ANKRD17: variants seen among roughly 807,000 people sequenced by gnomAD.
ANKRD17 encodes the protein ankyrin repeat domain 17.
Under a neutral mutation model 229.7 loss-of-function variants are expected in ANKRD17, and 19 were observed. The ratio of observed to expected loss-of-function variants is 0.08; its 90% CI spans 0.06 to 0.12. The LOEUF is 0.12. Ranked by LOEUF, ANKRD17 falls within the 10% of genes least tolerant of loss-of-function variation. ANKRD17 has a pLI of 1.00. For synonymous variants in ANKRD17, 1,112 were observed against 1,146.1 expected, an observed-to-expected ratio of 0.97 and a Z score of 0.60; for missense variants, 2,176 against 3,176.8, an observed-to-expected ratio of 0.68 and a Z score of 7.57.
At position 73,225,333 on chromosome 4, in the gene ANKRD17, A is replaced by G. The variant is rs547335341; in HGVS notation, c.393+32943T>C. ...CCATAAACCAAGAATAGGCCTTCCA[A>G]ATCCTTTATCTGACAAGAAATGGGG... On this transcript the variant is annotated intron_variant, in intron 1 of 33. Transcript: ENST00000358602. Among the ~76,000 whole-genome samples the G allele has an allele frequency of 5.4e-4, 82 of 152,268 alleles. 1 individual carries two copies. In the South Asian group the frequency reaches 0.016, roughly 29 times the overall value.
At chr4:73,137,617 T>C (rs1406360777) in intron 15 of ANKRD17, among the ~76,000 whole-genome samples, 2 of 152,222 alleles carry the variant, frequency 1.3e-5, no homozygotes, top group African/African-American at 2.4e-5. Flanking sequence ...TGTGTGAATG[T>C]GCACATGCCT....
intron 32 of ANKRD17, 114 bp from the exon 33 acceptor site, chr4:73,077,218 A>C: frequency 7.5e-7 from 1 of 1,336,258 alleles, no homozygotes; most frequent in Non-Finnish European, 1.0e-6. Context: ...GGAATGTGTA[A>C]CTTATCTAAG....
chr4:73,082,596 C>T (rs1271768329), intron 30 of ANKRD17, among the ~76,000 whole-genome samples: 1 of 152,202 alleles, frequency 6.6e-6, no homozygotes, highest in Non-Finnish European at 1.5e-5. Context: ...TAAAATTACA[C>T]TGCACATTTC....
rs763952943 is a variant in ANKRD17 at position 73,125,269 on chromosome 4, C to G, written c.3278G>C (p.Gly1093Ala). ...TGTTTGTACCAGTTCCTCGTGGCCA[C>G]CAGCACAGGCAAGTGTTAGTGCCGT... ...HDTALTLACAGGHEELVQTLL... is the reference protein window; with the variant it reads ...HDTALTLACAAGHEELVQTLL... The change falls in exon 17 of 34, where the codon GGT becomes GCT. Residue 1093 changes from glycine (G) to alanine (A), a missense_variant. Physicochemically the swap from Gly to Ala is moderately conservative, Grantham distance 60. Around this residue, in one of 18 missense-constraint regions of ANKRD17, gnomAD observed 230 missense variants for 252.3 expected, o/e 0.91. Coordinates refer to ENST00000358602, the MANE Select transcript of ANKRD17 (RefSeq NM_032217.5). 6 of 1,613,658 alleles carry G rather than the reference C, an allele frequency of 3.7e-6. No individual in the cohort carries two copies. In the South Asian group the frequency reaches 5.5e-5, roughly 15 times the overall value.
chr4:73,138,366 G>A (rs1297003220), intron 15 of ANKRD17, among the ~76,000 whole-genome samples: 2 of 151,996 alleles, frequency 1.3e-5, no homozygotes, highest in African/African-American at 4.8e-5. Context: ...TAACTACTGA[G>A]GTGCTATTAA....
chr4:73,188,212 T>C (rs558479136), intron 1 of ANKRD17, among the ~76,000 whole-genome samples: 17 of 152,216 alleles, frequency 1.1e-4, no homozygotes, highest in African/African-American at 4.1e-4. Flanking sequence ...AGCCTACTAT[T>C]AACTCTCAGA....
At chr4:73,110,355 T>C (rs1011255577) in intron 24 of ANKRD17, among the ~76,000 whole-genome samples, 5 of 152,246 alleles carry the variant, frequency 3.3e-5, no homozygotes, top group Non-Finnish European at 5.9e-5. Context: ...GCCACTGATC[T>C]CTTTTTCTTT....
intron 24 of ANKRD17, among the ~76,000 whole-genome samples, chr4:73,108,337 C>T (rs1724884390): frequency 6.6e-6 from 1 of 152,104 alleles, no homozygotes; most frequent in Non-Finnish European, 1.5e-5. Context: ...ATACACGAGA[C>T]TGAAGTTTAG....
intron 1 of ANKRD17, among the ~76,000 whole-genome samples, chr4:73,209,352 T>C (rs896165517): frequency 2.0e-5 from 3 of 152,216 alleles, no homozygotes; most frequent in Admixed American, 6.5e-5. Context: ...TGTCATTATC[T>C]AAACAGTATA....
rs183822947 is a variant in ANKRD17 at position 73,146,798 on chromosome 4, A to G, written c.1835T>C (p.Val612Ala). The change falls in exon 10 of 34, where the codon GTA (valine) becomes GCA (alanine). Residue 612 changes from valine (V) to alanine (A), a missense_variant. By Grantham distance (64) the Val-to-Ala change is moderately conservative. This residue lies in a region of ANKRD17 where 275 missense variants were observed against 386.9 expected (regional missense o/e 0.71). Transcript: ENST00000358602. Reference sequence around the variant, plus strand: ...GCCTGCCTGAAGTAAGACATCTGCTACATCAGTATGACCATTTTCACAGGC... The same window carrying G: ...GCCTGCCTGAAGTAAGACATCTGCTGCATCAGTATGACCATTTTCACAGGC... Reference protein sequence around the residue: ...TYACENGHTDVADVLLQAGAD... With the variant: ...TYACENGHTDAADVLLQAGAD... 1.5e-5 allele frequency: 24 copies of G among 1,612,496 alleles called. No homozygotes were observed. In the East Asian group the frequency reaches 5.4e-4, roughly 36 times the overall value.
intron 16 of ANKRD17, among the ~76,000 whole-genome samples, chr4:73,131,989 A>G (rs1014487929): frequency 6.6e-5 from 10 of 152,316 alleles, no homozygotes; most frequent in African/African-American, 2.2e-4. Context: ...CCACTATGTA[A>G]GAGCCCACAA....
chr4:73,122,480 T>A (rs1726874748), intron 18 of ANKRD17, among the ~76,000 whole-genome samples: 1 of 152,128 alleles, frequency 6.6e-6, no homozygotes, highest in African/African-American at 2.4e-5. Flanking sequence ...TAAAAATATT[T>A]AGCATTTATT....
chr4:73,101,664 C>CCAA lies in ANKRD17; in HGVS notation c.4573+711_4573+712insTTG, dbSNP rs1724008925. 1.8e-5 allele frequency among the ~76,000 whole-genome samples: 2 copies of CCAA among 111,484 alleles called. 1 individual carries two copies. The highest frequency in any genetic ancestry group is 3.5e-5 in the Non-Finnish European group (2 of 57,860). The allele number at this position is 111,484 out of a possible 152,430, so 73.1% of individuals were successfully genotyped here. On this transcript the variant is annotated intron_variant, in intron 25 of 33. Transcript: ENST00000358602. ...TGGGCAACAGACCAAGACTCGGTCT[C>CCAA]AAAAAAAAAAAAAAAAAGGATTTAT...
chr4:73,258,579 G>A lies in ANKRD17; in HGVS notation c.90C>T (p.Pro30=), dbSNP rs749163551. The part of the protein sequence containing the change: ...PPAVAAVAGP[P]AAAEVGGGVG... ...CGCCGCCGCCGACCTCCGCCGCCGCGGGGGGGCCCGCCACAGCCGCCACCG... is the reference window on the plus strand; with the variant it reads ...CGCCGCCGCCGACCTCCGCCGCCGCAGGGGGGCCCGCCACAGCCGCCACCG... The change falls in exon 1 of 34, where the codon CCC becomes CCT. Residue 30 remains proline (P), a synonymous_variant. Transcript: ENST00000358602. 8.9e-6 allele frequency: 13 copies of A among 1,460,964 alleles called. No individual in the cohort carries two copies. Among genetic ancestry groups the A allele is most frequent in the South Asian group, 8.2e-5 (6 of 73,488 alleles). 90.5% of individuals were successfully genotyped at this position (1,460,964 alleles called of 1,614,324 possible). A position where few individuals can be genotyped will look rare whatever the true frequency, so the allele number is the denominator to read the frequency against.
rs112058603 is a variant in ANKRD17 at position 73,203,071 on chromosome 4, C to A, written c.394-25538G>T. Among the ~76,000 whole-genome samples the A allele has an allele frequency of 2.5e-3, 381 of 152,282 alleles. 2 individuals carry two copies. Among genetic ancestry groups the A allele is most frequent in the South Asian group, 0.016 (77 of 4,818 alleles). On this transcript the variant is annotated intron_variant, in intron 1 of 33. Coordinates refer to ENST00000358602, the MANE Select transcript of ANKRD17 (RefSeq NM_032217.5). Reference sequence around the variant, plus strand: ...TGCACAAAAAAAGATCAGTGAACATCAAGATAGCAGTAGAATTTATAATAG... The same window carrying A: ...TGCACAAAAAAAGATCAGTGAACATAAAGATAGCAGTAGAATTTATAATAG...
At chr4:73,207,097 T>C (rs558537134) in intron 1 of ANKRD17, among the ~76,000 whole-genome samples, 150 of 152,328 alleles carry the variant, frequency 9.8e-4, no homozygotes, top group Non-Finnish European at 1.7e-3. Flanking sequence ...GTGCTAGGAT[T>C]ACAGGCATGA....
At chr4:73,199,273 G>A (rs1272183651) in intron 1 of ANKRD17, among the ~76,000 whole-genome samples, 1 of 151,218 alleles carries the variant, frequency 6.6e-6, no homozygotes, top group Non-Finnish European at 1.5e-5. Context: ...AGGAGGGAAG[G>A]GGAAAACAAG....
intron 1 of ANKRD17, among the ~76,000 whole-genome samples, chr4:73,227,918 G>C (rs1742668237): frequency 6.6e-6 from 1 of 151,984 alleles, no homozygotes; most frequent in Non-Finnish European, 1.5e-5. Flanking sequence ...CCTTGTAAAG[G>C]AGTTTCATTC....
chr4:73,158,206 G>T (rs1317211278), intron 3 of ANKRD17, among the ~76,000 whole-genome samples: 1 of 151,940 alleles, frequency 6.6e-6, no homozygotes, highest in Non-Finnish European at 1.5e-5. Context: ...AAGAAAGAAA[G>T]AAAAGTAGAA....
Sources: allele counts gnomAD v4.1 joint callset (sites outside exome capture counted in the v4.1 genomes callset), GRCh38; gene constraint gnomAD v4.1.1; regional missense constraint gnomAD v4.1.1; transcripts MANE v1.5; gene names NCBI Gene and HGNC (gene_info 2026-07-23, HGNC 2026-07-21).